GALNT13: variants seen among roughly 807,000 people sequenced by gnomAD.
GALNT13 encodes the protein UDP-GalNAc:polypeptide N-acetylgalactosaminyltransferase 13.
GALNT13 carries 28 observed loss-of-function variants against 64.2 expected under a neutral mutation model. The ratio of observed to expected loss-of-function variants is 0.44; its 90% CI spans 0.32 to 0.60. The LOEUF is 0.60. Among genes scored for constraint, GALNT13 ranks in the 20% least tolerant of loss-of-function variants. The pLI is 0.05. For synonymous variants in GALNT13, 214 were observed against 224.6 expected (o/e 0.95, Z 0.42); for missense variants, 577 against 669.8 (o/e 0.86, Z 1.53).
chr2:154,343,444 A>G (rs931255000), intron 9 of GALNT13, among the ~76,000 whole-genome samples: 6 of 152,082 alleles, frequency 3.9e-5, no homozygotes. Context: ...AAGCAACTTC[A>G]TTATGCAAGA....
At chr2:153,580,303 C>T in the GALNT13 span, among the ~76,000 whole-genome samples, 1 of 151,906 alleles carries the variant, frequency 6.6e-6, no homozygotes, top group Non-Finnish European at 1.5e-5. Flanking sequence ...TTCTAGAATA[C>T]CCAACTTGAG....
At chr2:153,793,947 G>A in the GALNT13 span, among the ~76,000 whole-genome samples, 1 of 152,150 alleles carries the variant, frequency 6.6e-6, no homozygotes, top group Admixed American at 6.5e-5. Flanking sequence ...TTATAAGGAG[G>A]TTGGTCTTGT....
At chr2:153,623,488 G>C in the GALNT13 span, among the ~76,000 whole-genome samples, 1 of 152,050 alleles carries the variant, frequency 6.6e-6, no homozygotes, top group Non-Finnish European at 1.5e-5. Context: ...GTGGAAAGTA[G>C]TTTGCTTTGC....
At chr2:153,478,660 C>G in the GALNT13 span, 1 of 1,027,268 alleles carries the variant, frequency 9.7e-7, no homozygotes, top group South Asian at 1.7e-5. Flanking sequence ...CGCTCACTCG[C>G]AGACTAGCGC....
chr2:153,478,473 G>A, the GALNT13 span: 141 of 1,613,414 alleles, frequency 8.7e-5, 1 homozygote, highest in East Asian at 2.3e-3. Flanking sequence ...CGGACGCCTG[G>A]GTGCAGCAGC....
intron 2 of GALNT13, among the ~76,000 whole-genome samples, chr2:153,942,049 G>C (rs533487281): frequency 3.3e-5 from 5 of 151,936 alleles, no homozygotes; most frequent in Non-Finnish European, 5.9e-5. Context: ...GCTTTTATTA[G>C]GAAATGACTT....
chr2:153,929,061 A>G (rs567790854), intron 2 of GALNT13, among the ~76,000 whole-genome samples: 22 of 152,334 alleles, frequency 1.4e-4, no homozygotes, highest in Non-Finnish European at 2.2e-4. Context: ...CATATGTTTC[A>G]TACATCATTT....
chr2:153,140,423 G>A, the GALNT13 span, among the ~76,000 whole-genome samples: 1 of 151,966 alleles, frequency 6.6e-6, no homozygotes, highest in African/African-American at 2.4e-5. Context: ...GTGAGCAAAT[G>A]AATGCATATA....
At chr2:153,248,848 A>T in the GALNT13 span, among the ~76,000 whole-genome samples, 10 of 149,920 alleles carry the variant, frequency 6.7e-5, no homozygotes, top group East Asian at 1.9e-3. Context: ...GAAAAAAAAA[A>T]CCCTCAATAA....
chr2:154,244,794 C>T (rs181809436), intron 6 of GALNT13, among the ~76,000 whole-genome samples: 1 of 152,104 alleles, frequency 6.6e-6, no homozygotes, highest in South Asian at 2.1e-4. Flanking sequence ...TAGAAAGCTA[C>T]CATTAAGAAC....
intron 11 of GALNT13, among the ~76,000 whole-genome samples, chr2:154,424,992 T>C (rs991322884): frequency 6.6e-6 from 1 of 152,184 alleles, no homozygotes; most frequent in African/African-American, 2.4e-5. Context: ...ATGCAAGCAT[T>C]GTGGTAATAA....
At chr2:154,091,290 A>G (rs1701794227) in intron 3 of GALNT13, among the ~76,000 whole-genome samples, 1 of 151,948 alleles carries the variant, frequency 6.6e-6, no homozygotes, top group Non-Finnish European at 1.5e-5. Context: ...CCATATAAGG[A>G]AATTTTATTT....
intron 12 of GALNT13, among the ~76,000 whole-genome samples, chr2:154,442,699 C>T (rs1309344929): frequency 6.6e-6 from 1 of 152,006 alleles, no homozygotes; most frequent in Non-Finnish European, 1.5e-5. Flanking sequence ...ATGTTCCAAT[C>T]AATTTAGAAT....
At chr2:153,577,914 A>G in the GALNT13 span, among the ~76,000 whole-genome samples, 1 of 151,120 alleles carries the variant, frequency 6.6e-6, no homozygotes, top group Non-Finnish European at 1.5e-5. Flanking sequence ...ATATATATAT[A>G]TATATTTTTA....
chr2:153,591,027 A>G, the GALNT13 span, among the ~76,000 whole-genome samples: 2 of 152,090 alleles, frequency 1.3e-5, no homozygotes, highest in African/African-American at 4.8e-5. Flanking sequence ...AGGTCAGATT[A>G]TTCTTGTTTG....
chr2:153,110,316 A>G, the GALNT13 span, among the ~76,000 whole-genome samples: 2 of 152,124 alleles, frequency 1.3e-5, no homozygotes, highest in African/African-American at 4.8e-5. Context: ...AAGAGATCTA[A>G]GTATAGATCT....
chr2:154,278,368 A>C (rs1480183231), intron 8 of GALNT13, among the ~76,000 whole-genome samples: 3 of 152,184 alleles, frequency 2.0e-5, no homozygotes, highest in African/African-American at 4.8e-5. Flanking sequence ...ATTTCTTTTC[A>C]TATTTGGGGA....
chr2:153,260,939 A>G, the GALNT13 span, among the ~76,000 whole-genome samples: 3 of 151,922 alleles, frequency 2.0e-5, no homozygotes, highest in Non-Finnish European at 4.4e-5. Flanking sequence ...TAGCCTGTCT[A>G]CAAGCTCACT....
chr2:154,252,205 A>G (rs528147784), intron 7 of GALNT13, among the ~76,000 whole-genome samples: 6 of 152,120 alleles, frequency 3.9e-5, no homozygotes, highest in African/African-American at 1.4e-4. Context: ...TGATGTATCC[A>G]AAGAAAAAAA....
Sources: allele counts gnomAD v4.1 joint callset (sites outside exome capture counted in the v4.1 genomes callset), GRCh38; gene constraint gnomAD v4.1.1; transcripts MANE v1.5; gene names NCBI Gene and HGNC (gene_info 2026-07-23, HGNC 2026-07-21).